SYNE2: variants seen among roughly 807,000 people sequenced by gnomAD.
SYNE2 encodes nesprin-2.
A neutral mutation model predicts 856.3 loss-of-function variants in SYNE2; 431 were observed. The ratio of observed to expected loss-of-function variants is 0.50; its 90% CI spans 0.47 to 0.55. SYNE2 has a LOEUF of 0.55. SYNE2 is among the 20% of genes least tolerant of loss of function. The probability of loss-of-function intolerance (pLI) is 0.00; values close to 1 mark genes in which losing one functional copy is unlikely to be tolerated. For synonymous variants in SYNE2, 2,923 were observed against 2,872.3 expected (o/e 1.02, Z -0.56); for missense variants, 8,129 against 8,023.2 (o/e 1.01, Z -0.50).
chr14:63,976,398 A>C (rs186360154), intron 11 of SYNE2, among the ~76,000 whole-genome samples, 165 bp from the exon 12 acceptor site: 24 of 151,478 alleles, frequency 1.6e-4, no homozygotes, highest in African/African-American at 5.1e-4. Flanking sequence ...GTGATATTTA[A>C]AACTAAGAAA....
rs960577129 is a variant in SYNE2, at chr14:63,998,983, C to A, written c.3423C>A (p.Phe1141Leu). The change falls in exon 27 of 116, where the codon TTC becomes TTA. Residue 1141 changes from phenylalanine (F) to leucine (L), a missense_variant. Around this residue, in one of 3 missense-constraint regions of SYNE2, gnomAD observed 2,422 missense variants for 2,357.4 expected, o/e 1.03. Transcript: ENST00000555002. ...ACAAATTCAGGATTACTTCTGATTT[C>A]TCTAGTGAAGAGGACAGGAGTAGTT... ...QNNKFRITSD[F>L]SSEEDRSSSC... is the part of the protein sequence containing the mutation. The A allele has an allele frequency of 1.9e-6, 3 of 1,613,986 alleles. No individual in the cohort carries two copies. Among genetic ancestry groups the A allele is most frequent in the Non-Finnish European group, 2.5e-6 (3 of 1,179,842 alleles).
chr14:63,893,024 G>A (rs2095171046), intron 1 of SYNE2, among the ~76,000 whole-genome samples: 1 of 152,030 alleles, frequency 6.6e-6, no homozygotes, highest in South Asian at 2.1e-4. Flanking sequence ...AATACAGTGA[G>A]GGTCTACACA....
At chr14:63,787,224 T>TCATAAACAAAAA in intron 1 of SYNE2, among the ~76,000 whole-genome samples, 1 of 152,352 alleles carries the variant, frequency 6.6e-6, no homozygotes, top group Non-Finnish European at 1.5e-5. Context: ...TATTTTGAAA[T>TCATAAACAAAAA]GTATGATTAA....
At chr14:64,161,074 T>A (rs2098325729) in intron 87 of SYNE2, among the ~76,000 whole-genome samples, 1 of 152,200 alleles carries the variant, frequency 6.6e-6, no homozygotes, top group African/African-American at 2.4e-5. Context: ...CCAGGCATAG[T>A]GGCTCATGCC....
chr14:63,798,422 T>C (rs1888006382), intron 1 of SYNE2, among the ~76,000 whole-genome samples: 1 of 150,972 alleles, frequency 6.6e-6, no homozygotes, highest in Non-Finnish European at 1.5e-5. Context: ...AGACAGTATT[T>C]CTCTCCTGTC....
chr14:64,190,651 C>G (rs1186001990), intron 99 of SYNE2: 6 of 700,814 alleles, frequency 8.6e-6, no homozygotes, highest in Non-Finnish European at 1.6e-5. Context: ...TGCTGGGGGC[C>G]CATGACTGCC....
chr14:63,972,903 G>A (rs2096490885), intron 11 of SYNE2, among the ~76,000 whole-genome samples: 1 of 152,156 alleles, frequency 6.6e-6, no homozygotes, highest in Non-Finnish European at 1.5e-5. Context: ...TTTATCTTTT[G>A]GCAAATGTAC....
At chr14:64,046,439 G>A (rs1278124539) in intron 45 of SYNE2, among the ~76,000 whole-genome samples, 1 of 152,152 alleles carries the variant, frequency 6.6e-6, no homozygotes, top group Admixed American at 6.5e-5. Context: ...TGTAGCCTCA[G>A]CCTCCTGGAC....
intron 34 of SYNE2, among the ~76,000 whole-genome samples, chr14:64,018,148 A>G (rs1260281967): frequency 6.6e-6 from 1 of 152,230 alleles, no homozygotes; most frequent in East Asian, 1.9e-4. Flanking sequence ...GATTGGTAGT[A>G]TGAAAAAGAT....
At chr14:64,000,252 C>T (rs560696374) in intron 27 of SYNE2, among the ~76,000 whole-genome samples, 17 of 152,246 alleles carry the variant, frequency 1.1e-4, no homozygotes, top group African/African-American at 3.4e-4. Context: ...AATATCTGTT[C>T]TTACATGTAT....
Position 64,144,734 on chromosome 14 carries a change from T to C in SYNE2, c.15483+786T>C, listed in dbSNP as rs151273619. ...ATGTAAAGAACCGTAATAATAATCT[T>C]ATCACTTAACCAAGCAAGTCACCTC... On this transcript the variant is annotated intron_variant, in intron 83 of 115. Coordinates refer to ENST00000555002, the MANE Select transcript of SYNE2 (RefSeq NM_182914.3). 1.6e-4 allele frequency among the ~76,000 whole-genome samples: 24 copies of C among 152,290 alleles called. No individual in the cohort carries two copies. The East Asian group carries it at 4.6e-3, about 29-fold the overall frequency.
chr14:64,139,212 G>A (rs1223219772), intron 79 of SYNE2, among the ~76,000 whole-genome samples: 3 of 150,262 alleles, frequency 2.0e-5, no homozygotes, highest in South Asian at 2.1e-4. Flanking sequence ...CAAATTCCTG[G>A]GCTCAAGCCA....
At chr14:64,216,537 C>T (rs2140293888) in intron 108 of SYNE2, 150 bp downstream of exon 108, 1 of 888,058 alleles carries the variant, frequency 1.1e-6, no homozygotes, top group East Asian at 2.5e-5. Context: ...CTCTGTTGAG[C>T]TGTCCATACT....
intron 1 of SYNE2, among the ~76,000 whole-genome samples, chr14:63,897,871 A>G (rs1183629055): frequency 1.3e-5 from 2 of 152,170 alleles, no homozygotes; most frequent in African/African-American, 4.8e-5. Flanking sequence ...AGCTCCGTTC[A>G]TTCTTCTCTA....
In SYNE2 at chr14:64,130,065, G is replaced by A. The variant is rs140797941; in HGVS notation, c.14157G>A (p.Met4719Ile). The part of the protein sequence containing the change: ...VYKLEDVLDS[M>I]WGMLRARYTE... ...CTTTTCAGGATGTACTTGACAGTAT[G>A]TGGGGAATGCTAAGAGCCAGGTACA... The change falls in exon 76 of 116, where the codon ATG becomes ATA. Residue 4719 changes from methionine (M) to isoleucine (I), a missense_variant. Transcript: ENST00000555002. 4.3e-6 allele frequency: 7 copies of A among 1,613,828 alleles called. No individual in the cohort carries two copies. In the African/African-American group the frequency reaches 5.3e-5, roughly 12 times the overall value.
intron 115 of SYNE2, 40 bp from the exon 116 acceptor site, chr14:64,225,267 GGGTTGTGCCTGT>G: frequency 6.2e-7 from 1 of 1,613,768 alleles, no homozygotes; most frequent in Non-Finnish European, 8.5e-7. Context: ...GTAATAGAGT[GGGTTGTGCCTGT>G]GGAGCCTCCC....
In SYNE2 at chr14:64,182,562, G is replaced by A. The variant is rs2098463633; in HGVS notation, c.17557-3862G>A. The stretch of plus-strand genomic sequence containing the variant: ...CCTTCCTCAGTGTTTGTGTCCCTGG[G>A]TACTTGAGATTAGGGAGTGGTGATG... On this transcript the variant is annotated intron_variant, in intron 96 of 115. Transcript: ENST00000555002. Among the ~76,000 whole-genome samples the A allele has an allele frequency of 2.0e-5, 3 of 152,154 alleles. No homozygotes were observed. The South Asian group carries it at 6.2e-4, about 32-fold the overall frequency.
intron 70 of SYNE2, among the ~76,000 whole-genome samples, chr14:64,123,092 TGC>T (rs899253747): frequency 2.0e-5 from 3 of 148,452 alleles, no homozygotes; most frequent in African/African-American, 7.5e-5. Context: ...AGAGTGAAAC[TGC>T]GTCTCAAAAA....
chr14:63,899,306 A>G (rs540859511), intron 1 of SYNE2, among the ~76,000 whole-genome samples: 2 of 152,210 alleles, frequency 1.3e-5, no homozygotes, highest in East Asian at 3.9e-4. Flanking sequence ...GGTTCAAGCA[A>G]TTCTTCTGTC....
Sources: allele counts gnomAD v4.1 joint callset (sites outside exome capture counted in the v4.1 genomes callset), GRCh38; gene constraint gnomAD v4.1.1; regional missense constraint gnomAD v4.1.1; transcripts MANE v1.5; gene names NCBI Gene and HGNC (gene_info 2026-07-23, HGNC 2026-07-21).